The following TCF4 variants were observed in gnomAD, a reference collection of about 807,000 sequenced individuals.
TCF4 encodes SL3-3 enhancer factor 2.
Under a neutral mutation model 82.1 loss-of-function variants are expected in TCF4, and 3 were observed. That is an observed-to-expected ratio of 0.04 (90% CI 0.02 to 0.09). TCF4 has a LOEUF of 0.09. Ranked by LOEUF, TCF4 falls within the 10% of genes least tolerant of loss-of-function variation. TCF4 has a pLI of 1.00. For missense variants in TCF4, 518 were observed against 852.7 expected (o/e 0.61, Z 4.89); for synonymous variants, 276 against 309.6 (o/e 0.89, Z 1.14).
chr18:55,560,060 A>G (rs1189467265), intron 3 of TCF4, among the ~76,000 whole-genome samples: 4 of 152,222 alleles, frequency 2.6e-5, no homozygotes, highest in Non-Finnish European at 5.9e-5. Flanking sequence ...AAAAGCACAT[A>G]ATAATATATA....
At chr18:55,315,411 C>T (rs1294101440) in intron 8 of TCF4, among the ~76,000 whole-genome samples, 1 of 152,068 alleles carries the variant, frequency 6.6e-6, no homozygotes, top group Non-Finnish European at 1.5e-5. Flanking sequence ...CATTTAGAGA[C>T]AGAAATATCA....
chr18:55,324,757 C>T (rs1316405204), intron 8 of TCF4, among the ~76,000 whole-genome samples: 2 of 152,056 alleles, frequency 1.3e-5, no homozygotes, highest in Non-Finnish European at 2.9e-5. Flanking sequence ...CAGAAAGCCA[C>T]CATCCCTCTC....
intron 3 of TCF4, among the ~76,000 whole-genome samples, chr18:55,516,348 T>C (rs1035672499): frequency 6.6e-6 from 1 of 152,150 alleles, no homozygotes; most frequent in Admixed American, 6.6e-5. Context: ...TTTGGTCTTA[T>C]CTAAATCTAA....
At chr18:55,408,817 T>A (rs941776272) in intron 5 of TCF4, among the ~76,000 whole-genome samples, 2 of 133,236 alleles carry the variant, frequency 1.5e-5, no homozygotes, top group African/African-American at 5.9e-5. Context: ...GTTTAAACTC[T>A]GGGGGAAAAA....
chr18:55,336,262 C>A (rs2078612270), intron 8 of TCF4, among the ~76,000 whole-genome samples: 1 of 151,884 alleles, frequency 6.6e-6, no homozygotes, highest in Non-Finnish European at 1.5e-5. Flanking sequence ...TTTACTTATT[C>A]TACAATTACC....
rs2097041285 is a variant in TCF4, at chr18:55,530,023, C to T, written c.145+55257G>A. ...ATTTCTGAAGAACAAAAGGTTCAAA[C>T]CTGACTACTCCAAAATAGCAACCAC... is the stretch of plus-strand genomic sequence containing the variant. On this transcript the variant is annotated intron_variant, in intron 3 of 19. Transcript: ENST00000354452. Among the ~76,000 whole-genome samples the T allele has an allele frequency of 2.6e-5, 4 of 152,172 alleles. No individual in the cohort carries two copies. The South Asian group carries it at 8.3e-4, about 31-fold the overall frequency.
intron 3 of TCF4, chr18:55,510,631 C>G: frequency 6.6e-7 from 1 of 1,515,080 alleles, no homozygotes; most frequent in Non-Finnish European, 8.8e-7. Flanking sequence ...CCCAATATAT[C>G]TGGTGATTAA....
intron 3 of TCF4, among the ~76,000 whole-genome samples, chr18:55,485,941 A>G (rs2096508306): frequency 6.6e-6 from 1 of 152,210 alleles, no homozygotes; most frequent in South Asian, 2.1e-4. Context: ...GAGGCAAACC[A>G]TCTTTAAGTA....
At chr18:55,576,686 T>G (rs1284871394) in intron 3 of TCF4, among the ~76,000 whole-genome samples, 1 of 152,188 alleles carries the variant, frequency 6.6e-6, no homozygotes, top group Non-Finnish European at 1.5e-5. Context: ...TCATTATTAA[T>G]TTCCCCATGA....
At chr18:55,611,531 A>G (rs1568491970) in intron 2 of TCF4, among the ~76,000 whole-genome samples, 1 of 152,234 alleles carries the variant, frequency 6.6e-6, no homozygotes, top group Admixed American at 6.5e-5. Context: ...ACACAAGTTA[A>G]TGATTTTCCG....
intron 8 of TCF4, among the ~76,000 whole-genome samples, chr18:55,293,930 A>ATTTTTTT (rs1568769774): frequency 8.8e-5 from 2 of 22,656 alleles, no homozygotes; most frequent in Non-Finnish European, 2.2e-4. Context: ...CTTTCCAAGG[A>ATTTTTTT]CTTTTTTTTT....
At chr18:55,564,001 T>G (rs1252937805) in intron 3 of TCF4, among the ~76,000 whole-genome samples, 2 of 152,240 alleles carry the variant, frequency 1.3e-5, no homozygotes, top group African/African-American at 2.4e-5. Flanking sequence ...TATGTATGTT[T>G]ATGGAATCAT....
At chr18:55,512,631 A>G (rs1359167624) in intron 3 of TCF4, among the ~76,000 whole-genome samples, 2 of 152,124 alleles carry the variant, frequency 1.3e-5, no homozygotes, top group African/African-American at 4.8e-5. Context: ...AGGATCTCAT[A>G]GTCTATTATT....
At chr18:55,466,488 C>A (rs1050216354) in intron 3 of TCF4, among the ~76,000 whole-genome samples, 26 of 151,944 alleles carry the variant, frequency 1.7e-4, no homozygotes, top group Admixed American at 1.5e-3. Flanking sequence ...CTGAGTGAGA[C>A]CCTGTCCCTA....
intron 5 of TCF4, among the ~76,000 whole-genome samples, chr18:55,432,965 C>T (rs1384802818): frequency 6.6e-6 from 1 of 152,172 alleles, no homozygotes; most frequent in Non-Finnish European, 1.5e-5. Context: ...AATCATGCTT[C>T]TTGTAAGGTC....
intron 3 of TCF4, among the ~76,000 whole-genome samples, chr18:55,493,836 T>C (rs2096601122): frequency 6.6e-6 from 1 of 152,254 alleles, no homozygotes; most frequent in East Asian, 1.9e-4. Context: ...TTCTGTAGAC[T>C]AGTTAAGCTA....
At chr18:55,354,569 A>T (rs1165557311) in intron 6 of TCF4, among the ~76,000 whole-genome samples, 2 of 152,188 alleles carry the variant, frequency 1.3e-5, no homozygotes, top group African/African-American at 4.8e-5. Flanking sequence ...TCAAAAATAG[A>T]ACTCACTGCT....
chr18:55,534,375 A>G (rs1312927507), intron 3 of TCF4, among the ~76,000 whole-genome samples: 1 of 152,248 alleles, frequency 6.6e-6, no homozygotes, highest in Non-Finnish European at 1.5e-5. Context: ...AGTTCCATGA[A>G]GAAAAATACA....
At chr18:55,448,412 C>T (rs1603471896) in intron 5 of TCF4, among the ~76,000 whole-genome samples, 1 of 152,216 alleles carries the variant, frequency 6.6e-6, no homozygotes, top group Non-Finnish European at 1.5e-5. Context: ...ACACATCCTG[C>T]TCTTTAACTA....
Sources: allele counts gnomAD v4.1 joint callset (sites outside exome capture counted in the v4.1 genomes callset), GRCh38; gene constraint gnomAD v4.1.1; transcripts MANE v1.5; gene names NCBI Gene and HGNC (gene_info 2026-07-23, HGNC 2026-07-21).